The following BEST4 variants were observed in gnomAD, a reference collection of about 807,000 sequenced individuals.
BEST4 encodes bestrophin-4.
BEST4 carries 36 observed loss-of-function variants against 47.1 expected under a neutral mutation model. The observed-to-expected ratio is 0.76, with a 90% CI of 0.59 to 1.01. BEST4 has a LOEUF of 1.01. BEST4 is among the 50% of genes least tolerant of loss of function. BEST4 has a pLI of 0.00. For missense variants in BEST4, 550 were observed against 648.6 expected, an observed-to-expected ratio of 0.85 and a Z score of 1.65; for synonymous variants, 250 against 277.8, an observed-to-expected ratio of 0.90 and a Z score of 1.00.
chr1:44,782,996 G>A (rs934907518), downstream of BEST4, among the ~76,000 whole-genome samples: 9 of 150,750 alleles, frequency 6.0e-5, no homozygotes, highest in African/African-American at 2.2e-4. Context: ...CTCTGTAACC[G>A]AGAGCTAGAG....
Position 44,784,268 on chromosome 1 carries a change from G to A in BEST4, c.1364C>T (p.Ala455Val). Residue 455 changes from alanine to valine, a missense_variant, in exon 9 of 9, where the codon GCC becomes GTC. Ala to Val is a moderately conservative substitution (Grantham distance 64). This residue lies in a region of BEST4 where 255 missense variants were observed against 286.6 expected (regional missense o/e 0.89). Coordinates refer to ENST00000372207, the MANE Select transcript of BEST4 (RefSeq NM_153274.3). This position sits in a 1 kb window ranked among gnomAD's most constrained non-coding sequence, Gnocchi z 6.2. Reference protein sequence around the residue: ...FRAEEGGDPEAAARIEEESAE... With the variant: ...FRAEEGGDPEVAARIEEESAE... The stretch of plus-strand genomic sequence containing the variant: ...CGATTCCTCCTCGATGCGGGCTGCG[G>A]CCTCGGGGTCGCCGCCCTCCTCCGC... 1 of 1,442,826 alleles carries A rather than the reference G, an allele frequency of 6.9e-7. No individual in the cohort carries two copies. Among genetic ancestry groups the A allele is most frequent in the Non-Finnish European group, 9.0e-7 (1 of 1,107,758 alleles). 89.4% of individuals were successfully genotyped at this position (1,442,826 alleles called of 1,614,324 possible).
chr1:44,790,112 T>C (rs903032765), upstream of BEST4, among the ~76,000 whole-genome samples: 5 of 152,196 alleles, frequency 3.3e-5, no homozygotes, highest in South Asian at 2.1e-4. Flanking sequence ...CTGTGGGTGG[T>C]TGGCTTGGGC....
chr1:44,790,131 C>A (rs1651372492), upstream of BEST4, among the ~76,000 whole-genome samples: 1 of 152,188 alleles, frequency 6.6e-6, no homozygotes, highest in South Asian at 2.1e-4. Context: ...GCTGCTGTTA[C>A]TATGAAAATT....
rs1199336456 is a variant in BEST4 at position 44,784,541 on chromosome 1, C to T, written c.1149-58G>A. The stretch of plus-strand genomic sequence containing the variant: ...CAGGGCGGGAGCGGGGACGCGGGAT[C>T]GGCTCTCGGGGAAGGACCGAGGCAT... On this transcript the variant is annotated intron_variant, in intron 8 of 8. Coordinates refer to ENST00000372207, the MANE Select transcript of BEST4 (RefSeq NM_153274.3). This position sits in a 1 kb window ranked among gnomAD's most constrained non-coding sequence, Gnocchi z 6.2. The T allele has an allele frequency of 6.6e-7, 1 of 1,509,694 alleles. No homozygotes were observed. The highest frequency in any genetic ancestry group is 2.5e-5 in the East Asian group (1 of 40,390). 93.5% of individuals were successfully genotyped at this position (1,509,694 alleles called of 1,614,324 possible).
In BEST4 at chr1:44,784,574, C is replaced by T; in HGVS notation, c.1148+55G>A. 2.6e-6 allele frequency: 4 copies of T among 1,567,146 alleles called. No homozygotes were observed. Among genetic ancestry groups the T allele is most frequent in the Non-Finnish European group, 3.5e-6 (4 of 1,158,058 alleles). On this transcript the variant is annotated intron_variant, in intron 8 of 8. Coordinates refer to ENST00000372207, the MANE Select transcript of BEST4 (RefSeq NM_153274.3). This position sits in a 1 kb window ranked among gnomAD's most constrained non-coding sequence, Gnocchi z 6.2. Reference sequence around the variant, plus strand: ...GGGGAAGGACCGAGGCATCGGTGCCCCAGAGGCTGAGCGAGGACCCGCGTG... The same window carrying T: ...GGGGAAGGACCGAGGCATCGGTGCCTCAGAGGCTGAGCGAGGACCCGCGTG...
rs1352707997 is a variant in BEST4, at chr1:44,786,489, G to A, written c.455C>T (p.Pro152Leu). Reference protein sequence around the residue: ...SVSTRVLKRFPTMEHVVDAGF... With the variant: ...SVSTRVLKRFLTMEHVVDAGF... The stretch of plus-strand genomic sequence containing the variant: ...TGCGTCCACCACGTGCTCCATGGTG[G>A]GGAAGCGCTTAAGCACGCGGGTGCT... Residue 152 changes from proline (P) to leucine (L), a missense_variant, in exon 3 of 9, where the codon CCC becomes CTC. This residue lies in a region of BEST4 where 291 missense variants were observed against 342.4 expected (regional missense o/e 0.85). Transcript: ENST00000372207. The surrounding 1 kb of genome is among the most constrained non-coding windows in gnomAD (Gnocchi z 4.9). The A allele has an allele frequency of 6.5e-7, 1 of 1,538,566 alleles. No homozygotes were observed. The highest frequency in any genetic ancestry group is 2.0e-5 in the Admixed American group (1 of 50,868).
upstream of BEST4, among the ~76,000 whole-genome samples, chr1:44,788,366 T>C (rs536592154): frequency 1.3e-5 from 2 of 152,298 alleles, no homozygotes; most frequent in Non-Finnish European, 2.9e-5. Context: ...ACCCCACAGC[T>C]CACACAGACG....
At position 44,784,052 on chromosome 1, in the gene BEST4, G is replaced by A; in HGVS notation, c.*158C>T. 4 of 713,704 alleles carry A rather than the reference G, an allele frequency of 5.6e-6. No homozygotes were observed. Among genetic ancestry groups the A allele is most frequent in the Non-Finnish European group, 8.1e-6 (4 of 492,092 alleles). 44.2% of individuals were successfully genotyped at this position (713,704 alleles called of 1,614,324 possible). ...GGACACATTCCCAGCCCTGGCTCAG[G>A]CCCTTTTCGCCATCTTCTCTTTCAA... On this transcript the variant is annotated 3_prime_UTR_variant, in exon 9 of 9. Coordinates refer to ENST00000372207, the MANE Select transcript of BEST4 (RefSeq NM_153274.3). This position sits in a 1 kb window ranked among gnomAD's most constrained non-coding sequence, Gnocchi z 6.2.
upstream of BEST4, among the ~76,000 whole-genome samples, chr1:44,790,825 C>T (rs948511664): frequency 1.6e-4 from 25 of 152,150 alleles, no homozygotes; most frequent in African/African-American, 5.5e-4. Context: ...GTGGGAGGAT[C>T]ACTTGAGCCC....
At position 44,786,346 on chromosome 1, in the gene BEST4, G is replaced by C; in HGVS notation, c.481+117C>G. 6.9e-7 allele frequency: 1 copy of C among 1,452,690 alleles called. No homozygotes were observed. The highest frequency in any genetic ancestry group is 2.3e-5 in the East Asian group (1 of 43,636). 90.0% of individuals were successfully genotyped at this position (1,452,690 alleles called of 1,614,324 possible). A position where few individuals can be genotyped will look rare whatever the true frequency, so the allele number is the denominator to read the frequency against. On this transcript the variant is annotated intron_variant, in intron 3 of 8. Transcript: ENST00000372207. This position sits in a 1 kb window ranked among gnomAD's most constrained non-coding sequence, Gnocchi z 4.9. ...CGGCTGTCCCAGGACTCGCGGTTCC[G>C]CGTTCCTGTCGCAGTCCAGACCCTT...
chr1:44,789,241 T>TAAAAA (rs1651341401), upstream of BEST4, among the ~76,000 whole-genome samples: 1 of 32,638 alleles, frequency 3.1e-5, no homozygotes, highest in African/African-American at 1.5e-4. Context: ...GCCTGGGTAA[T>TAAAAA]CAAAAAAAAA....
chr1:44,784,963 G>A lies in BEST4; in HGVS notation c.935C>T (p.Pro312Leu), dbSNP rs1359226841. The change falls in exon 7 of 9, where the codon CCA (proline) becomes CTA (leucine). Residue 312 changes from proline to leucine, a missense_variant. Pro to Leu is a moderately conservative substitution (Grantham distance 98). This residue lies in a region of BEST4 where 255 missense variants were observed against 286.6 expected (regional missense o/e 0.89). Transcript: ENST00000372207. This position sits in a 1 kb window ranked among gnomAD's most constrained non-coding sequence, Gnocchi z 6.2. ...WLKVAEQIIN[P>L]FGEDDDDFET... ...AAAGTCGTCATCATCCTCACCAAAT[G>A]GGTTGATGATCTGTTCAGCCACCTA... 1 of 1,613,978 alleles carries A rather than the reference G, an allele frequency of 6.2e-7. No individual in the cohort carries two copies. Among genetic ancestry groups the A allele is most frequent in the Non-Finnish European group, 8.5e-7 (1 of 1,180,028 alleles).
Position 44,786,010 on chromosome 1 carries a change from A to ATT in BEST4, c.636+62_636+63dup. The ATT allele has an allele frequency of 6.6e-7, 1 of 1,526,056 alleles. No individual in the cohort carries two copies. The highest frequency in any genetic ancestry group is 8.8e-7 in the Non-Finnish European group (1 of 1,137,318). 94.5% of individuals were successfully genotyped at this position (1,526,056 alleles called of 1,614,324 possible). On this transcript the variant is annotated intron_variant, in intron 4 of 8. Transcript: ENST00000372207. This position sits in a 1 kb window ranked among gnomAD's most constrained non-coding sequence, Gnocchi z 4.9. ...TGCCATACAACTGTTAGGTATTAAAATTATTATTCATCTTTAAAATTAGAG... is the reference window on the plus strand; with the variant it reads ...TGCCATACAACTGTTAGGTATTAAAATTTTATTATTCATCTTTAAAATTAGAG...
upstream of BEST4, among the ~76,000 whole-genome samples, chr1:44,792,310 C>A (rs1017631630): frequency 6.6e-6 from 1 of 151,638 alleles, no homozygotes; most frequent in South Asian, 2.1e-4. Flanking sequence ...GCCAGTAATC[C>A]CAGCTACTCA....
chr1:44,784,310 T>TGCGGGGG lies in BEST4; in HGVS notation c.1315_1321dup (p.His441ProfsTer64). On this transcript the variant is annotated frameshift_variant, in exon 9 of 9. Coordinates refer to ENST00000372207, the MANE Select transcript of BEST4 (RefSeq NM_153274.3). LOFTEE classifies it low-confidence loss of function (END_TRUNC). The surrounding 1 kb of genome is among the most constrained non-coding windows in gnomAD (Gnocchi z 6.2). ...CTCCTCCGCCCGGAAGCGCAGCAGA[T>TGCGGGGG]GCGGGGGGCGGGGGGTGCCTCGCAC... The TGCGGGGG allele has an allele frequency of 1.4e-6, 2 of 1,399,528 alleles. No individual in the cohort carries two copies. The highest frequency in any genetic ancestry group is 1.8e-6 in the Non-Finnish European group (2 of 1,088,048). The allele number at this position is 1,399,528 out of a possible 1,614,324, so 86.7% of individuals were successfully genotyped here.
chr1:44,787,803 C>A lies in BEST4; in HGVS notation c.-98G>T. The stretch of plus-strand genomic sequence containing the variant: ...CCCTTCCACTCTGGTCTCACACACC[C>A]CAGCCTTCACCCTGCGTCAGTGGAC... On this transcript the variant is annotated 5_prime_UTR_variant, in exon 1 of 9. Coordinates refer to ENST00000372207, the MANE Select transcript of BEST4 (RefSeq NM_153274.3). The A allele has an allele frequency of 1.4e-6, 2 of 1,421,138 alleles. No individual in the cohort carries two copies. Among genetic ancestry groups the A allele is most frequent in the Admixed American group, 1.9e-5 (1 of 52,060 alleles). 88.0% of individuals were successfully genotyped at this position (1,421,138 alleles called of 1,614,324 possible).
chr1:44,790,687 G>C (rs1651386440), upstream of BEST4, among the ~76,000 whole-genome samples: 1 of 152,100 alleles, frequency 6.6e-6, no homozygotes, highest in South Asian at 2.1e-4. Flanking sequence ...GAGGTGGGAG[G>C]ATCACTTAAG....
upstream of BEST4, among the ~76,000 whole-genome samples, chr1:44,792,571 G>A (rs1195176298): frequency 6.6e-6 from 1 of 152,114 alleles, no homozygotes; most frequent in Non-Finnish European, 1.5e-5. Flanking sequence ...GTGGCTATCA[G>A]CACATCTCTT....
rs142027051 is a variant in BEST4 at position 44,786,050 on chromosome 1, G to A, written c.636+24C>T. 4.7e-3 allele frequency: 7,271 copies of A among 1,559,848 alleles called. 21 individuals are homozygous for A. The highest frequency in any genetic ancestry group is 5.7e-3 in the Non-Finnish European group (6,589 of 1,155,572). On this transcript the variant is annotated intron_variant, in intron 4 of 8. Coordinates refer to ENST00000372207, the MANE Select transcript of BEST4 (RefSeq NM_153274.3). The surrounding 1 kb of genome is among the most constrained non-coding windows in gnomAD (Gnocchi z 4.9). ...TAAAATTAGAGGGAGGAGGGCAGAT[G>A]GGTCTGGTCCTGAGCCCACTCACTT...
Sources: gnomAD v4.1 joint callset for allele counts (sites outside exome capture counted in the v4.1 genomes callset) on GRCh38, gnomAD v4.1.1 for gene constraint, gnomAD v4.1.1 regional missense constraint, Gnocchi (gnomAD v3.1) non-coding constraint, MANE v1.5 for transcripts, NCBI Gene and HGNC (gene_info 2026-07-23, HGNC 2026-07-21) for gene names.